Variants in ATP13A3 observed in about 807,000 individuals in gnomAD.
ATP13A3 encodes ATPase 13A3, also known as polyamine-transporting ATPase 13A3.
Under a neutral mutation model 158.1 loss-of-function variants are expected in ATP13A3, and 59 were observed. The ratio of observed to expected loss-of-function variants is 0.37; its 90% CI spans 0.30 to 0.46. The LOEUF (loss-of-function observed/expected upper bound fraction) is 0.46. ATP13A3 is among the 20% of genes least tolerant of loss of function. The pLI is 1.00. For synonymous variants in ATP13A3, 491 were observed against 504.3 expected (o/e 0.97, Z 0.35); for missense variants, 1,166 against 1,525.2 (o/e 0.76, Z 3.92).
intron 31 of ATP13A3, among the ~76,000 whole-genome samples, chr3:194,415,607 A>G (rs1715775188): frequency 6.6e-6 from 1 of 151,530 alleles, no homozygotes; most frequent in Non-Finnish European, 1.5e-5. Flanking sequence ...TATTTAGCCT[A>G]TAAATATATA....
intron 2 of ATP13A3, among the ~76,000 whole-genome samples, chr3:194,485,244 AATAATAGG>A (rs1321260623): frequency 1.3e-5 from 2 of 152,186 alleles, no homozygotes; most frequent in East Asian, 3.8e-4. Context: ...AACAATCATT[AATAATAGG>A]TTTACTACTT....
rs62286675 is a variant in ATP13A3 at position 194,444,222 on chromosome 3, C to T, written c.1559+503G>A. Among the ~76,000 whole-genome samples the T allele has an allele frequency of 3.7e-3, 565 of 152,276 alleles. 2 individuals carry two copies. The highest frequency in any genetic ancestry group is 6.2e-3 in the Non-Finnish European group (422 of 68,034). On this transcript the variant is annotated intron_variant, in intron 15 of 33. Coordinates refer to ENST00000645319, the MANE Select transcript of ATP13A3 (RefSeq NM_001367549.1). ...GCCTACAAGGACTTATGTGTAAGAA[C>T]TTTAATTCCAGCACTATTTGCAACA...
intron 2 of ATP13A3, among the ~76,000 whole-genome samples, chr3:194,483,426 C>CAAAAAAAAAAAAAAAA (rs1228588078): frequency 3.3e-5 from 4 of 120,386 alleles, no homozygotes; most frequent in African/African-American, 6.5e-5. Context: ...CCCACCTCTA[C>CAAAAAAAAAAAAAAAA]AAAAAAAAAA....
At chr3:194,414,562 C>G (rs1403324495) in intron 31 of ATP13A3, among the ~76,000 whole-genome samples, 2 of 151,678 alleles carry the variant, frequency 1.3e-5, no homozygotes, top group African/African-American at 4.8e-5. Context: ...AAAAAACAAT[C>G]TAAGTGTTCA....
Position 194,447,058 on chromosome 3 carries a change from G to A in ATP13A3, c.1366C>T (p.Pro456Ser). 4 of 1,612,796 alleles carry A rather than the reference G, an allele frequency of 2.5e-6. No individual in the cohort carries two copies. The highest frequency in any genetic ancestry group is 3.4e-6 in the Non-Finnish European group (4 of 1,179,688). The change falls in exon 14 of 34, where the codon CCT becomes TCT. Residue 456 changes from proline (P) to serine (S), a missense_variant. Around this residue, in one of 3 missense-constraint regions of ATP13A3, gnomAD observed 997 missense variants for 1,341.2 expected, o/e 0.74. Coordinates refer to ENST00000645319, the MANE Select transcript of ATP13A3 (RefSeq NM_001367549.1). ...GCAGTCATTGCAGCAGGAAGTGCAGGGGGCACAGTAATTGTGATAATATCA... is the reference window on the plus strand; with the variant it reads ...GCAGTCATTGCAGCAGGAAGTGCAGAGGGCACAGTAATTGTGATAATATCA... ...SLDIITITVPPALPAAMTAGI... is the reference protein window; with the variant it reads ...SLDIITITVPSALPAAMTAGI...
chr3:194,485,410 AAATT>A (rs1720927548), intron 2 of ATP13A3, among the ~76,000 whole-genome samples: 1 of 152,240 alleles, frequency 6.6e-6, no homozygotes, highest in Non-Finnish European at 1.5e-5. Flanking sequence ...CAGTGAAACA[AAATT>A]AATACATGTA....
In ATP13A3 at chr3:194,403,607, T is replaced by C. The variant is rs546485727; in HGVS notation, c.*2312A>G. ...TATTCATCTTAATACATCAAAATAA[T>C]ATATGTACAGATTTTAAAATTTAGG... On this transcript the variant is annotated 3_prime_UTR_variant, in exon 34 of 34. Coordinates refer to ENST00000645319, the MANE Select transcript of ATP13A3 (RefSeq NM_001367549.1). 2.0e-5 allele frequency: 3 copies of C among 152,408 alleles called. No individual in the cohort carries two copies. In the East Asian group the frequency reaches 5.8e-4, roughly 29 times the overall value. The allele number at this position is 152,408 out of a possible 1,614,324, so 9.4% of individuals were successfully genotyped here.
chr3:194,456,261 A>G (rs1719217157), intron 7 of ATP13A3, among the ~76,000 whole-genome samples: 1 of 152,058 alleles, frequency 6.6e-6, no homozygotes, highest in African/African-American at 2.4e-5. Context: ...CCTTGAACAC[A>G]CTAGATCTTA....
chr3:194,486,567 G>T lies in ATP13A3; in HGVS notation c.-90C>A, dbSNP rs950525076. 3 of 147,824 alleles carry T rather than the reference G, an allele frequency of 2.0e-5. No individual in the cohort carries two copies. The highest frequency in any genetic ancestry group is 4.5e-5 in the Non-Finnish European group (3 of 66,766). 9.2% of individuals were successfully genotyped at this position (147,824 alleles called of 1,614,324 possible). On this transcript the variant is annotated splice_region_variant and 5_prime_UTR_variant, in exon 1 of 34. Coordinates refer to ENST00000645319, the MANE Select transcript of ATP13A3 (RefSeq NM_001367549.1). Reference sequence around the variant, plus strand: ...CCACCCGCCCCTCGCCCCGCTCACCGGGGCCGCTCACTGGCCGCCGCCGCG... The same window carrying T: ...CCACCCGCCCCTCGCCCCGCTCACCTGGGCCGCTCACTGGCCGCCGCCGCG...
intron 30 of ATP13A3, among the ~76,000 whole-genome samples, chr3:194,422,873 T>C (rs1441469003): frequency 3.3e-5 from 5 of 151,282 alleles, no homozygotes; most frequent in Non-Finnish European, 7.4e-5. Flanking sequence ...TATCCAGTTA[T>C]GTCTTTAAAA....
chr3:194,443,774 A>G (rs1013141020), intron 15 of ATP13A3, among the ~76,000 whole-genome samples: 8 of 152,326 alleles, frequency 5.3e-5, no homozygotes, highest in Middle Eastern at 3.4e-3. Context: ...AGCTTCAAAA[A>G]GCAACAGAAA....
intron 27 of ATP13A3, among the ~76,000 whole-genome samples, 156 bp downstream of exon 27, chr3:194,429,522 T>C (rs1443624649): frequency 6.6e-6 from 1 of 152,206 alleles, no homozygotes; most frequent in Non-Finnish European, 1.5e-5. Flanking sequence ...CTTTTTCAAT[T>C]TGCTATTCAA....
At chr3:194,441,102 T>C (rs1261188343) in intron 16 of ATP13A3, among the ~76,000 whole-genome samples, 2 of 152,174 alleles carry the variant, frequency 1.3e-5, no homozygotes, top group Non-Finnish European at 2.9e-5. Context: ...CTATTAAAGG[T>C]GTACTAAATG....
intron 31 of ATP13A3, among the ~76,000 whole-genome samples, chr3:194,419,496 T>C (rs1357431007): frequency 6.6e-6 from 1 of 152,122 alleles, no homozygotes; most frequent in African/African-American, 2.4e-5. Context: ...AACAAGTATT[T>C]CATTACTCAG....
chr3:194,457,603 A>G (rs1010914493), intron 6 of ATP13A3, among the ~76,000 whole-genome samples: 1 of 152,122 alleles, frequency 6.6e-6, no homozygotes, highest in Non-Finnish European at 1.5e-5. Flanking sequence ...TTTAGAGTCA[A>G]ATTAAGAATT....
intron 5 of ATP13A3, 65 bp downstream of exon 5, chr3:194,459,724 A>G: frequency 6.6e-7 from 1 of 1,506,592 alleles, no homozygotes; most frequent in South Asian, 1.3e-5. Flanking sequence ...TATAGAATAT[A>G]CATGATAGCA....
At chr3:194,412,345 T>C (rs1012269294) in intron 32 of ATP13A3, 57 bp from the exon 33 acceptor site, 3 of 1,327,332 alleles carry the variant, frequency 2.3e-6, no homozygotes, top group South Asian at 1.3e-5. Flanking sequence ...TTTTTATTAA[T>C]GTGCACCTTT....
At chr3:194,470,016 T>A (rs1204562406) in intron 2 of ATP13A3, among the ~76,000 whole-genome samples, 1 of 152,212 alleles carries the variant, frequency 6.6e-6, no homozygotes, top group East Asian at 1.9e-4. Context: ...GACAATTCTT[T>A]ATGAGGGCAA....
At chr3:194,418,930 C>T (rs936020514) in intron 31 of ATP13A3, among the ~76,000 whole-genome samples, 1 of 152,180 alleles carries the variant, frequency 6.6e-6, no homozygotes, top group Non-Finnish European at 1.5e-5. Context: ...TCTACAGCAT[C>T]GCACCACTCT....
Sources: allele counts gnomAD v4.1 joint callset (sites outside exome capture counted in the v4.1 genomes callset), GRCh38; gene constraint gnomAD v4.1.1; regional missense constraint gnomAD v4.1.1; transcripts MANE v1.5; gene names NCBI Gene and HGNC (gene_info 2026-07-23, HGNC 2026-07-21).